The following MRPL1 variants were observed in gnomAD, a reference collection of about 807,000 sequenced individuals.
The protein encoded by MRPL1 is mitochondrial ribosomal protein L1, also known as large ribosomal subunit protein uL1m.
Under a neutral mutation model 38.0 loss-of-function variants are expected in MRPL1, and 28 were observed. That is an observed-to-expected ratio of 0.74 (90% confidence interval 0.55 to 1.01). The LOEUF (loss-of-function observed/expected upper bound fraction) is 1.01. Ranked by LOEUF, MRPL1 falls within the 50% of genes least tolerant of loss-of-function variation. The pLI, the probability that MRPL1 is intolerant of heterozygous loss-of-function variation, is 0.00. For synonymous variants in MRPL1, 123 were observed against 126.7 expected (o/e 0.97, Z 0.20); for missense variants, 358 against 389.8 (o/e 0.92, Z 0.69).
chr4:77,950,667 C>A (rs1042869107), intron 8 of MRPL1, among the ~76,000 whole-genome samples: 10 of 152,122 alleles, frequency 6.6e-5, no homozygotes, highest in Admixed American at 2.6e-4. Context: ...AATTTTCTTG[C>A]CCTAAATATG....
chr4:77,948,375 G>T (rs765227114), intron 7 of MRPL1, among the ~76,000 whole-genome samples: 1 of 152,094 alleles, frequency 6.6e-6, no homozygotes, highest in Non-Finnish European at 1.5e-5. Context: ...TATGTAAGGT[G>T]CCTTCCCTGC....
intron 7 of MRPL1, among the ~76,000 whole-genome samples, chr4:77,931,083 A>C (rs911223398): frequency 6.6e-6 from 1 of 152,266 alleles, no homozygotes; most frequent in East Asian, 1.9e-4. Context: ...CCCACTTTGT[A>C]TAATATGTGG....
chr4:77,871,369 A>G (rs983969393), intron 1 of MRPL1, among the ~76,000 whole-genome samples: 5 of 149,734 alleles, frequency 3.3e-5, no homozygotes, highest in Admixed American at 6.7e-5. Flanking sequence ...CGGTGGCGCT[A>G]TATCGGCTCA....
intron 5 of MRPL1, among the ~76,000 whole-genome samples, chr4:77,892,138 T>C (rs1160544188): frequency 6.6e-6 from 1 of 151,972 alleles, no homozygotes; most frequent in Non-Finnish European, 1.5e-5. Context: ...TTTTTTTTTT[T>C]TTCTCTTTTT....
rs149483898 is a variant in MRPL1 at position 77,937,586 on chromosome 4, T to G, written c.778-12211T>G. ...CATGTTCAGTCATTCAGTCTCTCCTTCCTGCAGGTACCACCCAGTCTTTAC... is the reference window on the plus strand; with the variant it reads ...CATGTTCAGTCATTCAGTCTCTCCTGCCTGCAGGTACCACCCAGTCTTTAC... On this transcript the variant is annotated intron_variant, in intron 7 of 8. Coordinates refer to ENST00000315567, the MANE Select transcript of MRPL1 (RefSeq NM_020236.4). Among the ~76,000 whole-genome samples the G allele has an allele frequency of 5.7e-3, 871 of 152,332 alleles. 3 individuals are homozygous for G. The highest frequency in any genetic ancestry group is 7.9e-3 in the Non-Finnish European group (539 of 68,030).
chr4:77,908,799 G>T (rs77749780), intron 6 of MRPL1, among the ~76,000 whole-genome samples: 10,217 of 152,240 alleles, frequency 0.067, 562 homozygotes, highest in African/African-American at 0.15. Flanking sequence ...CAGAGAGGTG[G>T]TTTCATCTTA....
chr4:77,947,901 A>C (rs1473576201), intron 7 of MRPL1, among the ~76,000 whole-genome samples: 1 of 152,196 alleles, frequency 6.6e-6, no homozygotes, highest in African/African-American at 2.4e-5. Context: ...AATTTGAATA[A>C]AAGTATAAAC....
intron 5 of MRPL1, among the ~76,000 whole-genome samples, chr4:77,889,131 C>T (rs1360878355): frequency 1.3e-5 from 2 of 152,166 alleles, no homozygotes; most frequent in Middle Eastern, 3.2e-3. Context: ...CCAAGCAGAC[C>T]TAATAGACAT....
At chr4:77,899,776 GAAGA>G (rs1185936023) in intron 6 of MRPL1, among the ~76,000 whole-genome samples, 10 of 152,116 alleles carry the variant, frequency 6.6e-5, no homozygotes, top group South Asian at 4.1e-4. Context: ...AAAGTGAAAG[GAAGA>G]AAGAAAATGA....
In MRPL1 at chr4:77,868,023, T is replaced by C. The variant is rs1226518697; in HGVS notation, c.32-3721T>C. ...CGCCCACCTCAGCCCCCCAAAGTGC[T>C]GGGATTACAGACATGAGCCACCGCG... On this transcript the variant is annotated intron_variant, in intron 1 of 8. Coordinates refer to ENST00000315567, the MANE Select transcript of MRPL1 (RefSeq NM_020236.4). 2.6e-5 allele frequency among the ~76,000 whole-genome samples: 4 copies of C among 151,978 alleles called. No individual in the cohort carries two copies. In the East Asian group the frequency reaches 7.7e-4, roughly 29 times the overall value.
At chr4:77,899,151 G>T (rs576255385) in intron 6 of MRPL1, among the ~76,000 whole-genome samples, 187 of 150,064 alleles carry the variant, frequency 1.2e-3, no homozygotes, top group African/African-American at 4.5e-3. Context: ...GTGCTGCCAC[G>T]CCTGGCTCAT....
Position 77,886,470 on chromosome 4 carries a change from G to A in MRPL1, c.487-750G>A, listed in dbSNP as rs543642758. ...TTGCCTCAGCCTCCCGAGTAGCTGC[G>A]ATTACAGGCATGCACCACCACACCT... On this transcript the variant is annotated intron_variant, in intron 4 of 8. Coordinates refer to ENST00000315567, the MANE Select transcript of MRPL1 (RefSeq NM_020236.4). Among the ~76,000 whole-genome samples the A allele has an allele frequency of 1.3e-4, 20 of 152,104 alleles. 1 individual carries two copies. The East Asian group carries it at 3.5e-3, about 27-fold the overall frequency.
chr4:77,872,444 T>G (rs933795456), intron 2 of MRPL1, among the ~76,000 whole-genome samples: 2 of 152,168 alleles, frequency 1.3e-5, no homozygotes, highest in African/African-American at 4.8e-5. Context: ...AAATTTGTAT[T>G]ATTTTGGCTG....
intron 7 of MRPL1, among the ~76,000 whole-genome samples, chr4:77,939,229 C>G (rs1209985628): frequency 6.6e-6 from 1 of 152,190 alleles, no homozygotes; most frequent in African/African-American, 2.4e-5. Context: ...ATCCAGGTTG[C>G]TGTTCTTGCA....
rs1344322613 is a variant in MRPL1 at position 77,886,802 on chromosome 4, TTTTTTTTTGA to T, written c.487-417_487-408del. Among the ~76,000 whole-genome samples, 13 of 142,622 alleles carry T rather than the reference TTTTTTTTTGA, an allele frequency of 9.1e-5. No individual in the cohort carries two copies. The East Asian group carries it at 1.6e-3, about 18-fold the overall frequency. The allele number at this position is 142,622 out of a possible 152,430, so 93.6% of individuals were successfully genotyped here. On this transcript the variant is annotated intron_variant, in intron 4 of 8. Transcript: ENST00000315567. ...GGTTTGCATTTTCTTTTTTTTTTTT[TTTTTTTTTGA>T]GATGGAGTCTCACTCTGCCACCCAG... is the stretch of plus-strand genomic sequence containing the variant.
intron 7 of MRPL1, among the ~76,000 whole-genome samples, chr4:77,923,826 A>G (rs1406167340): frequency 1.3e-5 from 2 of 152,056 alleles, no homozygotes; most frequent in East Asian, 1.9e-4. Flanking sequence ...AGTCCCAGCT[A>G]CTTGGAAGGC....
chr4:77,877,575 G>T (rs1735427687), intron 2 of MRPL1, among the ~76,000 whole-genome samples: 1 of 150,704 alleles, frequency 6.6e-6, no homozygotes, highest in Admixed American at 6.6e-5. Context: ...TCCTGGTGAT[G>T]GGTGTTGGGA....
chr4:77,932,401 G>A (rs563509387), intron 7 of MRPL1, among the ~76,000 whole-genome samples: 21 of 152,190 alleles, frequency 1.4e-4, no homozygotes, highest in Middle Eastern at 3.4e-3. Context: ...ATAGATCCTT[G>A]GCCCATTTGT....
At position 77,952,533 on chromosome 4, in the gene MRPL1, G is replaced by A. The variant is rs145887525; in HGVS notation, c.904G>A (p.Gly302Ser). ...TTTCCTTCGTAGTTCAACAAGTGAAGGTTTATTACTGAAGATTGATCCATT... is the reference window on the plus strand; with the variant it reads ...TTTCCTTCGTAGTTCAACAAGTGAAAGTTTATTACTGAAGATTGATCCATT... ...RAFLRSSTSEGLLLKIDPLLP... is the reference protein window; with the variant it reads ...RAFLRSSTSESLLLKIDPLLP... Residue 302 changes from glycine to serine, a missense_variant, in exon 9 of 9, where the codon GGT (glycine) becomes AGT (serine). Transcript: ENST00000315567. 2.2e-4 allele frequency: 352 copies of A among 1,613,002 alleles called. No homozygotes were observed. The highest frequency in any genetic ancestry group is 5.0e-4 in the Admixed American group (30 of 59,818).
Sources: gnomAD v4.1 joint callset for allele counts (sites outside exome capture counted in the v4.1 genomes callset) on GRCh38, gnomAD v4.1.1 for gene constraint, MANE v1.5 for transcripts, NCBI Gene and HGNC (gene_info 2026-07-23, HGNC 2026-07-21) for gene names.